Variants in PLEKHA6 observed in about 807,000 individuals in gnomAD.
PLEKHA6 encodes the protein pleckstrin homology domain containing A6.
A neutral mutation model predicts 116.7 loss-of-function variants in PLEKHA6; 60 were observed. The ratio of observed to expected loss-of-function variants is 0.51; its 90% CI spans 0.42 to 0.64. The LOEUF is 0.64. Ranked by LOEUF, PLEKHA6 falls within the 30% of genes least tolerant of loss-of-function variation. The pLI, the probability that PLEKHA6 is intolerant of heterozygous loss-of-function variation, is 0.00. For missense variants in PLEKHA6, 1,338 were observed against 1,422.7 expected (o/e 0.94, Z 0.96); for synonymous variants, 489 against 556.1 (o/e 0.88, Z 1.70).
chr1:204,314,417 T>C (rs1353365867), intron 1 of PLEKHA6, among the ~76,000 whole-genome samples: 2 of 152,196 alleles, frequency 1.3e-5, no homozygotes, highest in Admixed American at 1.3e-4. Context: ...GAATTTCATC[T>C]AATACTCCTG....
intron 13 of PLEKHA6, 21 bp from the exon 14 acceptor site, chr1:204,245,747 G>A: frequency 6.5e-7 from 1 of 1,547,278 alleles, no homozygotes; most frequent in Middle Eastern, 1.7e-4. Flanking sequence ...CACACAGTGA[G>A]TCAAAGGAAA....
chr1:204,313,865 C>T (rs969315900), intron 1 of PLEKHA6: 2 of 181,594 alleles, frequency 1.1e-5, no homozygotes, highest in Admixed American at 6.5e-5. Context: ...CAGCTCCCTC[C>T]CCCGAGCTTC....
rs1305220240 is a variant in PLEKHA6, at chr1:204,257,622, C to G, written c.1255G>C (p.Asp419His). Residue 419 changes from aspartate (D) to histidine (H), a missense_variant, in exon 9 of 23, where the codon GAT becomes CAT. Transcript: ENST00000272203. The surrounding 1 kb of genome is among the most constrained non-coding windows in gnomAD (Gnocchi z 6.5). ...GGGCTTGGGATCCAGACGGTGGCAT[C>G]CTGCCGCCCGTAGCTGGCGGGCTCC... is the stretch of plus-strand genomic sequence containing the variant. ...WKEPASYGRQ[D>H]ATVWIPSPSR... 1 of 1,609,366 alleles carries G rather than the reference C, an allele frequency of 6.2e-7. No individual in the cohort carries two copies. Among genetic ancestry groups the G allele is most frequent in the South Asian group, 1.1e-5 (1 of 90,332 alleles).
At chr1:204,263,756 G>A (rs1433838064) in intron 6 of PLEKHA6, among the ~76,000 whole-genome samples, 1 of 152,050 alleles carries the variant, frequency 6.6e-6, no homozygotes, top group Non-Finnish European at 1.5e-5. Context: ...GTGTGTGTGT[G>A]TGTGTCTGTG....
intron 11 of PLEKHA6, 76 bp downstream of exon 11, chr1:204,249,108 G>A: frequency 6.8e-7 from 1 of 1,479,670 alleles, no homozygotes; most frequent in East Asian, 2.3e-5. Context: ...AGTCAGGTTG[G>A]AGACAGCAGC....
At chr1:204,322,357 C>T (rs1453838017) in intron 1 of PLEKHA6, among the ~76,000 whole-genome samples, 1 of 152,182 alleles carries the variant, frequency 6.6e-6, no homozygotes, top group Non-Finnish European at 1.5e-5. Flanking sequence ...AACTGGATGA[C>T]TTTAGTCCTA....
chr1:204,271,018 A>G (rs182988304), intron 3 of PLEKHA6, among the ~76,000 whole-genome samples: 3 of 152,358 alleles, frequency 2.0e-5, no homozygotes, highest in Admixed American at 2.0e-4. Flanking sequence ...TTAGCTGCAC[A>G]CTACTCTCCA....
chr1:204,255,551 TGAG>T (rs1331737552), intron 9 of PLEKHA6: 18 of 687,910 alleles, frequency 2.6e-5, no homozygotes, highest in Non-Finnish European at 3.7e-5. Context: ...GGCTGGAAGA[TGAG>T]GAGGTGGGGA....
In PLEKHA6 at chr1:204,271,000, CT is replaced by C. The variant is rs1399936882; in HGVS notation, c.102+2625del. On this transcript the variant is annotated intron_variant, in intron 3 of 22. Coordinates refer to ENST00000272203, the MANE Select transcript of PLEKHA6 (RefSeq NM_014935.5). The stretch of plus-strand genomic sequence containing the variant: ...CCCACTCCACGAAGTCCTGATCCCC[CT>C]GAGTGGTTAGCTGCACACTACTCTC... Among the ~76,000 whole-genome samples, 3 of 152,174 alleles carry C rather than the reference CT, an allele frequency of 2.0e-5. 1 individual carries two copies. The highest frequency in any genetic ancestry group is 4.4e-5 in the Non-Finnish European group (3 of 67,992).
chr1:204,295,731 G>A (rs1670212891), intron 1 of PLEKHA6, among the ~76,000 whole-genome samples: 1 of 152,010 alleles, frequency 6.6e-6, no homozygotes, highest in Admixed American at 6.6e-5. Context: ...CCATTTTAGA[G>A]GCTTAGATTC....
At position 204,259,021 on chromosome 1, in the gene PLEKHA6, T is replaced by C. The variant is rs1665734579; in HGVS notation, c.1007+237A>G. On this transcript the variant is annotated intron_variant, in intron 8 of 22. Coordinates refer to ENST00000272203, the MANE Select transcript of PLEKHA6 (RefSeq NM_014935.5). The surrounding 1 kb of genome is among the most constrained non-coding windows in gnomAD (Gnocchi z 4.6). ...AGGCACTGGGGCACTCTGTCCCTTCTTCTGAAGGAAGCAGACAAAGAAACC... is the reference window on the plus strand; with the variant it reads ...AGGCACTGGGGCACTCTGTCCCTTCCTCTGAAGGAAGCAGACAAAGAAACC... Among the ~76,000 whole-genome samples the C allele has an allele frequency of 6.6e-6, 1 of 152,204 alleles. No individual in the cohort carries two copies. The highest frequency in any genetic ancestry group is 2.1e-4 in the South Asian group (1 of 4,830).
chr1:204,247,562 T>C, intron 12 of PLEKHA6, 102 bp from the exon 13 acceptor site: 1 of 742,768 alleles, frequency 1.3e-6, no homozygotes, highest in Admixed American at 2.1e-5. Context: ...GGCACAAAGA[T>C]CTGGGGAAGA....
intron 1 of PLEKHA6, chr1:204,307,531 C>A (rs1453617669): frequency 6.6e-6 from 1 of 152,264 alleles, no homozygotes; most frequent in East Asian, 1.9e-4. Flanking sequence ...TCAGCTCTCT[C>A]CTTGCTCCAG....
chr1:204,309,074 A>C lies in PLEKHA6; in HGVS notation c.-94-34265T>G, dbSNP rs1196949330. ...GTTTCTCATTCATTGTCTTTCTGTC[A>C]CTCTATTAACATCCATAGTTTACTT... On this transcript the variant is annotated intron_variant, in intron 1 of 22. Coordinates refer to ENST00000272203, the MANE Select transcript of PLEKHA6 (RefSeq NM_014935.5). The C allele has an allele frequency of 7.2e-6, 7 of 975,626 alleles. No individual in the cohort carries two copies. The African/African-American group carries it at 1.2e-4, about 17-fold the overall frequency. The allele number at this position is 975,626 out of a possible 1,614,324, so 60.4% of individuals were successfully genotyped here.
At chr1:204,359,249 C>G (rs577379496) in intron 1 of PLEKHA6, among the ~76,000 whole-genome samples, 2 of 152,204 alleles carry the variant, frequency 1.3e-5, no homozygotes, top group Non-Finnish European at 2.9e-5. Flanking sequence ...CCCCTCCCCA[C>G]GCTGAGGAAG....
At chr1:204,296,233 G>C (rs1670264618) in intron 1 of PLEKHA6, among the ~76,000 whole-genome samples, 1 of 152,106 alleles carries the variant, frequency 6.6e-6, no homozygotes, top group South Asian at 2.1e-4. Context: ...GTGGATTTCT[G>C]AACACTGGTG....
rs773111371 is a variant in PLEKHA6 at position 204,256,761 on chromosome 1, C to T, written c.1524+592G>A. 3.4e-5 allele frequency: 19 copies of T among 555,480 alleles called. No homozygotes were observed. In the East Asian group the frequency reaches 4.4e-4, roughly 13 times the overall value. 34.4% of individuals were successfully genotyped at this position (555,480 alleles called of 1,614,324 possible). The stretch of plus-strand genomic sequence containing the variant: ...GCTCCACCCTGAGTGGAGCACGGTG[C>T]GGGGAGGCCCTGAGACAGGTGGAGG... On this transcript the variant is annotated intron_variant, in intron 9 of 22. Transcript: ENST00000272203.
intron 9 of PLEKHA6, among the ~76,000 whole-genome samples, chr1:204,256,062 T>C (rs1053678142): frequency 9.9e-5 from 15 of 152,206 alleles, no homozygotes; most frequent in Non-Finnish European, 2.1e-4. Flanking sequence ...AAAGCTTATA[T>C]GCTGTGGACA....
intron 1 of PLEKHA6, among the ~76,000 whole-genome samples, chr1:204,276,687 TAC>T (rs1403314807): frequency 7.2e-6 from 1 of 139,492 alleles, no homozygotes; most frequent in East Asian, 2.2e-4. Flanking sequence ...CACAGAAGCA[TAC>T]ACACACAGTC....
Sources: allele counts gnomAD v4.1 joint callset (sites outside exome capture counted in the v4.1 genomes callset), GRCh38; gene constraint gnomAD v4.1.1; non-coding constraint Gnocchi (gnomAD v3.1); transcripts MANE v1.5; gene names NCBI Gene and HGNC (gene_info 2026-07-23, HGNC 2026-07-21).